The following CTNNA3 variants were observed in gnomAD, a reference collection of about 807,000 sequenced individuals.
CTNNA3 encodes the protein catenin alpha-3.
CTNNA3 carries 76 observed loss-of-function variants against 95.7 expected under a neutral mutation model. The ratio of observed to expected loss-of-function variants is 0.79; its 90% CI spans 0.66 to 0.96. The LOEUF (loss-of-function observed/expected upper bound fraction) is 0.96. Among genes scored for constraint, CTNNA3 ranks in the 40% least tolerant of loss-of-function variants. The pLI, the probability that CTNNA3 is intolerant of heterozygous loss-of-function variation, is 0.00. For synonymous variants in CTNNA3, 431 were observed against 374.4 expected, an observed-to-expected ratio of 1.15 and a Z score of -1.74; for missense variants, 1,191 against 1,089.8, an observed-to-expected ratio of 1.09 and a Z score of -1.31.
At chr10:66,256,938 C>A (rs1324796040) in intron 13 of CTNNA3, among the ~76,000 whole-genome samples, 1 of 152,118 alleles carries the variant, frequency 6.6e-6, no homozygotes, top group African/African-American at 2.4e-5. Flanking sequence ...GAAGCCTGTC[C>A]TCACTAGAAA....
chr10:67,215,180 T>C (rs1050181389), intron 6 of CTNNA3, among the ~76,000 whole-genome samples: 1 of 152,154 alleles, frequency 6.6e-6, no homozygotes, highest in African/African-American at 2.4e-5. Context: ...CCTAATCACC[T>C]GTTTTGCCTA....
intron 11 of CTNNA3, among the ~76,000 whole-genome samples, chr10:66,394,872 T>A (rs916647261): frequency 2.6e-5 from 4 of 151,998 alleles, no homozygotes; most frequent in African/African-American, 9.7e-5. Flanking sequence ...CCCCTAGAGG[T>A]ATATGACACA....
At chr10:67,127,885 T>C (rs1394380418) in intron 7 of CTNNA3, among the ~76,000 whole-genome samples, 2 of 152,032 alleles carry the variant, frequency 1.3e-5, no homozygotes, top group Non-Finnish European at 2.9e-5. Context: ...TGTCTGTGTG[T>C]GTGTGTGCAT....
intron 9 of CTNNA3, among the ~76,000 whole-genome samples, chr10:66,712,475 T>G (rs1848325725): frequency 6.6e-6 from 1 of 152,170 alleles, no homozygotes; most frequent in South Asian, 2.1e-4. Flanking sequence ...GTCACCATTT[T>G]AGGAATGGTT....
At chr10:66,964,885 C>T (rs1849316232) in intron 7 of CTNNA3, among the ~76,000 whole-genome samples, 1 of 152,040 alleles carries the variant, frequency 6.6e-6, no homozygotes, top group Admixed American at 6.6e-5. Flanking sequence ...AAAATTAAAC[C>T]CTGACTAATG....
chr10:67,026,485 G>A (rs956647967), intron 7 of CTNNA3, among the ~76,000 whole-genome samples: 4 of 151,978 alleles, frequency 2.6e-5, no homozygotes, highest in Non-Finnish European at 5.9e-5. Context: ...ATAAAGCAGT[G>A]TTATATAAGT....
chr10:66,420,655 C>T (rs148276920), intron 11 of CTNNA3, among the ~76,000 whole-genome samples: 17,712 of 151,522 alleles, frequency 0.12, 1,500 homozygotes, highest in African/African-American at 0.24. Context: ...AAAAATTAGC[C>T]GGGCGTGATG....
At chr10:67,057,742 T>C (rs998663238) in intron 7 of CTNNA3, among the ~76,000 whole-genome samples, 2 of 152,086 alleles carry the variant, frequency 1.3e-5, no homozygotes, top group Non-Finnish European at 2.9e-5. Flanking sequence ...CACGATGAGC[T>C]TCTTCTTCAC....
At chr10:66,766,621 A>G (rs1839869677) in intron 8 of CTNNA3, among the ~76,000 whole-genome samples, 1 of 152,172 alleles carries the variant, frequency 6.6e-6, no homozygotes, top group Non-Finnish European at 1.5e-5. Flanking sequence ...ATCTAGCAAT[A>G]TTTCCTTTCC....
At chr10:67,463,392 TG>T (rs1192115474) in intron 5 of CTNNA3, among the ~76,000 whole-genome samples, 2 of 152,164 alleles carry the variant, frequency 1.3e-5, no homozygotes, top group Admixed American at 6.6e-5. Context: ...ATTTGCTTGA[TG>T]TCTAGACCCT....
chr10:67,715,790 C>A (rs1421048273), intron 1 of CTNNA3, among the ~76,000 whole-genome samples: 2 of 152,130 alleles, frequency 1.3e-5, no homozygotes, highest in Non-Finnish European at 2.9e-5. Flanking sequence ...ATTACAGGTT[C>A]CATCTGAAAG....
At chr10:66,276,920 G>A (rs2091410322) in intron 13 of CTNNA3, among the ~76,000 whole-genome samples, 1 of 152,014 alleles carries the variant, frequency 6.6e-6, no homozygotes, top group Non-Finnish European at 1.5e-5. Flanking sequence ...GGATGAAATT[G>A]AGGCTAAGTA....
intron 11 of CTNNA3, among the ~76,000 whole-genome samples, chr10:66,501,995 T>C (rs2131966457): frequency 6.6e-6 from 1 of 152,280 alleles, no homozygotes; most frequent in East Asian, 1.9e-4. Context: ...TGATTCTATA[T>C]GCTCTAATCT....
chr10:66,473,013 T>A (rs763141007), intron 11 of CTNNA3, among the ~76,000 whole-genome samples: 31 of 152,146 alleles, frequency 2.0e-4, no homozygotes, highest in Admixed American at 5.9e-4. Flanking sequence ...TCTCCATGTT[T>A]TTGGTATTTA....
chr10:67,166,719 C>T (rs545876427), intron 7 of CTNNA3, among the ~76,000 whole-genome samples: 1 of 152,180 alleles, frequency 6.6e-6, no homozygotes, highest in Non-Finnish European at 1.5e-5. Context: ...CCTTTATGTT[C>T]TTCTCAAAGT....
rs1003905465 is a variant in CTNNA3, at chr10:66,817,328, G to A, written c.1048-41804C>T. ...AATAATAATTAAACTAGAAATAAATGATAAAAGAGGATAAAAAACCTACAG... is the reference window on the plus strand; with the variant it reads ...AATAATAATTAAACTAGAAATAAATAATAAAAGAGGATAAAAAACCTACAG... On this transcript the variant is annotated intron_variant, in intron 7 of 17. Coordinates refer to ENST00000433211, the MANE Select transcript of CTNNA3 (RefSeq NM_013266.4). Among the ~76,000 whole-genome samples, 5 of 151,826 alleles carry A rather than the reference G, an allele frequency of 3.3e-5. No individual in the cohort carries two copies. The East Asian group carries it at 9.7e-4, about 29-fold the overall frequency.
At chr10:66,524,837 G>C (rs566232736) in intron 10 of CTNNA3, among the ~76,000 whole-genome samples, 1 of 152,204 alleles carries the variant, frequency 6.6e-6, no homozygotes, top group East Asian at 1.9e-4. Context: ...ATCTCCTGAG[G>C]TCAGGAGTGC....
At chr10:67,095,923 T>C (rs1351686488) in intron 7 of CTNNA3, among the ~76,000 whole-genome samples, 1 of 151,892 alleles carries the variant, frequency 6.6e-6, no homozygotes, top group Non-Finnish European at 1.5e-5. Context: ...ACAAGATTCT[T>C]ATTTATTTTA....
intron 9 of CTNNA3, among the ~76,000 whole-genome samples, chr10:66,732,753 G>A (rs565865980): frequency 6.6e-5 from 10 of 151,806 alleles, no homozygotes; most frequent in Admixed American, 1.3e-4. Flanking sequence ...TGGGATTTGG[G>A]TGGGGACACA....
Sources: allele counts gnomAD v4.1 joint callset (sites outside exome capture counted in the v4.1 genomes callset), GRCh38; gene constraint gnomAD v4.1.1; transcripts MANE v1.5; gene names NCBI Gene and HGNC (gene_info 2026-07-23, HGNC 2026-07-21).